The following SHLD2 variants were observed in gnomAD, a reference collection of about 807,000 sequenced individuals.
SHLD2 encodes shieldin complex subunit 2.
SHLD2 carries 30 observed loss-of-function variants against 73.2 expected under a neutral mutation model. The observed-to-expected ratio is 0.41, with a 90% CI of 0.31 to 0.56. The LOEUF is 0.56. Ranked by LOEUF, SHLD2 falls within the 20% of genes least tolerant of loss-of-function variation. The probability of loss-of-function intolerance (pLI) is 0.28; values close to 1 mark genes in which losing one functional copy is unlikely to be tolerated. For synonymous variants in SHLD2, 285 were observed against 370.1 expected (o/e 0.77, Z 2.64); for missense variants, 745 against 1,055.9 (o/e 0.71, Z 4.08).
rs141059392 is a variant in SHLD2 at position 87,170,563 on chromosome 10, G to C, written c.1719G>C (p.Pro573=). Residue 573 remains proline, a synonymous_variant, in exon 5 of 10, where the codon CCG becomes CCC. Coordinates refer to ENST00000298786, the MANE Select transcript of SHLD2 (RefSeq NM_001330112.2). ...SKHSYLRDLP[P]RQPQRVNSID... ...ATTCCTACCTCAGAGATCTTCCTCC[G>C]AGGCAGCCTCAGAGGGTGAACAGTA... The C allele has an allele frequency of 6.2e-7, 1 of 1,613,370 alleles. No homozygotes were observed.
At chr10:87,094,547 C>A, upstream of SHLD2, 2 of 1,612,364 alleles carry the variant, frequency 1.2e-6, no homozygotes, top group Non-Finnish European at 1.7e-6. The surrounding 1 kb of genome is among the most constrained non-coding windows in gnomAD (Gnocchi z 6.6). Context: ...GCGCCGCGAT[C>A]GAAGAAGCCC....
Position 87,103,544 on chromosome 10 carries a change from G to T in SHLD2, c.-6+6555G>T, listed in dbSNP as rs139836066. Among the ~76,000 whole-genome samples, 231 of 152,228 alleles carry T rather than the reference G, an allele frequency of 1.5e-3. No individual in the cohort carries two copies. In the East Asian group the frequency reaches 0.043, roughly 28 times the overall value. On this transcript the variant is annotated intron_variant, in intron 2 of 9. Transcript: ENST00000298786. ...ATTTTGGTATATCATGAGTTGTTTTGCAAACTTTTGTGCCAAAGTTTTCAG... is the reference window on the plus strand; with the variant it reads ...ATTTTGGTATATCATGAGTTGTTTTTCAAACTTTTGTGCCAAAGTTTTCAG...
At chr10:87,159,996 ATAAT>A (rs1167812628) in intron 4 of SHLD2, among the ~76,000 whole-genome samples, 4 of 152,230 alleles carry the variant, frequency 2.6e-5, no homozygotes, top group African/African-American at 9.7e-5. Context: ...AGTTTTTTAA[ATAAT>A]AAATATCTGT....
intron 2 of SHLD2, among the ~76,000 whole-genome samples, chr10:87,106,615 G>A (rs931647434): frequency 7.2e-5 from 11 of 152,064 alleles, no homozygotes; most frequent in Non-Finnish European, 1.2e-4. Context: ...TCATGTTGTC[G>A]TGTTTACTCT....
At chr10:87,117,429 AAC>A (rs941532078) in intron 2 of SHLD2, among the ~76,000 whole-genome samples, 1 of 152,170 alleles carries the variant, frequency 6.6e-6, no homozygotes, top group Non-Finnish European at 1.5e-5. Flanking sequence ...AACAAAAAAG[AAC>A]TTTTGCTCAA....
At chr10:87,178,105 G>C (rs527966366) in intron 7 of SHLD2, among the ~76,000 whole-genome samples, 1 of 151,602 alleles carries the variant, frequency 6.6e-6, no homozygotes, top group African/African-American at 2.4e-5. Flanking sequence ...GCATGATGTC[G>C]GGTGCCTGTA....
chr10:87,178,643 G>A (rs1284800253), intron 7 of SHLD2, among the ~76,000 whole-genome samples: 1 of 151,784 alleles, frequency 6.6e-6, no homozygotes, highest in Non-Finnish European at 1.5e-5. Flanking sequence ...TTGTGCCCAG[G>A]GAGGTTGAGA....
chr10:87,123,969 T>G (rs1356284972), intron 2 of SHLD2, among the ~76,000 whole-genome samples: 1 of 152,162 alleles, frequency 6.6e-6, no homozygotes, highest in Non-Finnish European at 1.5e-5. Flanking sequence ...AAAACATTAT[T>G]GAATCTAAAT....
chr10:87,162,851 T>C (rs965914582), intron 4 of SHLD2, among the ~76,000 whole-genome samples: 3 of 152,184 alleles, frequency 2.0e-5, no homozygotes, highest in African/African-American at 7.2e-5. Flanking sequence ...TGTGAGGTAA[T>C]GTGCCCTCTT....
chr10:87,112,186 G>A (rs1449894361), intron 2 of SHLD2, among the ~76,000 whole-genome samples: 9 of 151,460 alleles, frequency 5.9e-5, no homozygotes, highest in Non-Finnish European at 1.2e-4. Flanking sequence ...TGCAGTGAAT[G>A]GAGATTGCAC....
Position 87,190,520 on chromosome 10 carries a change from C to G in SHLD2, c.2552C>G (p.Ala851Gly). 6.2e-7 allele frequency: 1 copy of G among 1,611,974 alleles called. No individual in the cohort carries two copies. Among genetic ancestry groups the G allele is most frequent in the Non-Finnish European group, 8.5e-7 (1 of 1,179,808 alleles). ...SSEITYGMVV[A>G]DLFHSLLAVS... ...GAGATCACCTATGGGATGGTCGTGGCAGACCTGTTCCACTCCTTGTTGGCA... is the reference window on the plus strand; with the variant it reads ...GAGATCACCTATGGGATGGTCGTGGGAGACCTGTTCCACTCCTTGTTGGCA... The change falls in exon 10 of 10, where the codon GCA becomes GGA. Residue 851 changes from alanine (A) to glycine (G), a missense_variant. Coordinates refer to ENST00000298786, the MANE Select transcript of SHLD2 (RefSeq NM_001330112.2).
Position 87,152,246 on chromosome 10 carries a change from G to A in SHLD2, c.892G>A (p.Glu298Lys). 1 of 1,570,992 alleles carries A rather than the reference G, an allele frequency of 6.4e-7. No individual in the cohort carries two copies. The highest frequency in any genetic ancestry group is 1.2e-5 in the South Asian group (1 of 86,700). The change falls in exon 3 of 10, where the codon GAA becomes AAA. Residue 298 changes from glutamate (E) to lysine (K), a missense_variant. Coordinates refer to ENST00000298786, the MANE Select transcript of SHLD2 (RefSeq NM_001330112.2). ...ENSIQLDGFT[E>K]AYESGQNQAY... The stretch of plus-strand genomic sequence containing the variant: ...TTCGATTCAGCTTGATGGTTTTACA[G>A]AAGCATATGAAAGTGGACAAAACCA...
At chr10:87,095,274 G>T (rs1237823563) in intron 1 of SHLD2, 26 bp downstream of exon 1, 2 of 151,744 alleles carry the variant, frequency 1.3e-5, no homozygotes, top group African/African-American at 4.8e-5. Flanking sequence ...GGGTCCCTCA[G>T]GGGGGTTGGG....
intron 2 of SHLD2, among the ~76,000 whole-genome samples, chr10:87,112,251 A>G (rs969012210): frequency 3.2e-4 from 43 of 133,758 alleles, no homozygotes; most frequent in Admixed American, 5.1e-4. Context: ...AAAAAAAAAA[A>G]GGGCAAAGAA....
chr10:87,099,642 T>C (rs1056121738), intron 2 of SHLD2, among the ~76,000 whole-genome samples: 1 of 152,236 alleles, frequency 6.6e-6, no homozygotes, highest in Non-Finnish European at 1.5e-5. Flanking sequence ...TGCATATGTT[T>C]TCAGTTCTCT....
At chr10:87,121,145 G>A (rs1843591232) in intron 2 of SHLD2, among the ~76,000 whole-genome samples, 1 of 152,010 alleles carries the variant, frequency 6.6e-6, no homozygotes, top group South Asian at 2.1e-4. Flanking sequence ...TATTTTTTGA[G>A]ACAGGGTCTT....
At chr10:87,140,611 A>G (rs1249638830) in intron 2 of SHLD2, among the ~76,000 whole-genome samples, 4 of 151,884 alleles carry the variant, frequency 2.6e-5, no homozygotes, top group African/African-American at 9.7e-5. Flanking sequence ...GATGATAACC[A>G]TAAACTCTCA....
chr10:87,188,063 C>G (rs1388474203), intron 9 of SHLD2, among the ~76,000 whole-genome samples: 1 of 152,222 alleles, frequency 6.6e-6, no homozygotes, highest in East Asian at 1.9e-4. Flanking sequence ...CGTTCTTGCA[C>G]CTCCCCAAGT....
intron 2 of SHLD2, among the ~76,000 whole-genome samples, chr10:87,141,498 C>T (rs557008514): frequency 6.6e-6 from 1 of 152,210 alleles, no homozygotes; most frequent in South Asian, 2.1e-4. Context: ...CGTGCCACCA[C>T]ACCCAGCTAA....
Sources: allele counts gnomAD v4.1 joint callset (sites outside exome capture counted in the v4.1 genomes callset), GRCh38; gene constraint gnomAD v4.1.1; non-coding constraint Gnocchi (gnomAD v3.1); transcripts MANE v1.5; gene names NCBI Gene and HGNC (gene_info 2026-07-23, HGNC 2026-07-21).